The following NAALADL2 variants were observed in gnomAD, a reference collection of about 807,000 sequenced individuals.
The protein encoded by NAALADL2 is N-acetylated alpha-linked acidic dipeptidase like 2, also known as inactive N-acetylated-alpha-linked acidic dipeptidase-like protein 2.
NAALADL2 carries 76 observed loss-of-function variants against 87.2 expected under a neutral mutation model. The observed-to-expected ratio is 0.87, with a 90% CI of 0.72 to 1.05. NAALADL2 has a LOEUF of 1.05. NAALADL2 is among the 50% of genes least tolerant of loss of function. NAALADL2 has a pLI of 0.00. For missense variants in NAALADL2, 1,089 were observed against 945.8 expected, an observed-to-expected ratio of 1.15 and a Z score of -1.99; for synonymous variants, 354 against 331.0, an observed-to-expected ratio of 1.07 and a Z score of -0.75.
chr3:175,364,176 G>T (rs766340221), intron 5 of NAALADL2, among the ~76,000 whole-genome samples: 8 of 147,796 alleles, frequency 5.4e-5, no homozygotes, highest in Non-Finnish European at 1.2e-4. Context: ...TTGTGTGCTT[G>T]CGTGCCCACC....
intron 2 of NAALADL2, among the ~76,000 whole-genome samples, chr3:174,642,531 G>C (rs1723319052): frequency 6.9e-6 from 1 of 145,278 alleles, no homozygotes; most frequent in African/African-American, 2.5e-5. Flanking sequence ...AAAAAAGCAT[G>C]TTGCCACACA....
At chr3:175,343,470 T>G (rs569234360) in intron 5 of NAALADL2, among the ~76,000 whole-genome samples, 1 of 152,094 alleles carries the variant, frequency 6.6e-6, no homozygotes, top group South Asian at 2.1e-4. Context: ...GTGTTGATGT[T>G]CACCTTGACA....
chr3:175,101,738 A>G (rs1268329837), intron 2 of NAALADL2, among the ~76,000 whole-genome samples: 1 of 152,196 alleles, frequency 6.6e-6, no homozygotes, highest in Non-Finnish European at 1.5e-5. Context: ...TAAATTAATG[A>G]GGTTTAGTTT....
At chr3:175,649,638 T>A (rs1582769435) in intron 11 of NAALADL2, among the ~76,000 whole-genome samples, 1 of 152,118 alleles carries the variant, frequency 6.6e-6, no homozygotes, top group African/African-American at 2.4e-5. Flanking sequence ...TGCACATGGA[T>A]AGAGACAGAG....
intron 3 of NAALADL2, among the ~76,000 whole-genome samples, chr3:174,797,305 C>CTTTTTCTTTTTTTTTTTTT (rs1718237636): frequency 2.8e-5 from 2 of 72,720 alleles, no homozygotes; most frequent in Admixed American, 1.6e-4. Context: ...TTTCTTTTTT[C>CTTTTTCTTTTTTTTTTTTT]TTTTTTTTTT....
intron 1 of NAALADL2, among the ~76,000 whole-genome samples, chr3:174,970,001 T>A (rs1248688750): frequency 2.0e-5 from 3 of 152,218 alleles, no homozygotes; most frequent in African/African-American, 7.2e-5. Flanking sequence ...AAAATCAACT[T>A]GAGTTCTTTT....
chr3:174,696,729 A>T (rs1729056281), intron 2 of NAALADL2, among the ~76,000 whole-genome samples: 2 of 151,972 alleles, frequency 1.3e-5, no homozygotes, highest in African/African-American at 4.8e-5. Context: ...CTGAAAAATA[A>T]TTGTGTATTT....
chr3:175,156,765 A>C (rs13323546), intron 2 of NAALADL2, among the ~76,000 whole-genome samples: 26,797 of 152,040 alleles, frequency 0.18, 2,977 homozygotes, highest in African/African-American at 0.31. Context: ...GGTATCACAT[A>C]CATAGGTTTA....
intron 2 of NAALADL2, among the ~76,000 whole-genome samples, chr3:174,585,272 A>G (rs1716579059): frequency 6.6e-6 from 1 of 152,170 alleles, no homozygotes; most frequent in African/African-American, 2.4e-5. Context: ...ATTGGGCTGT[A>G]TTGTAGGAGT....
intron 2 of NAALADL2, among the ~76,000 whole-genome samples, chr3:174,603,306 A>T (rs1452790340): frequency 6.6e-6 from 1 of 151,910 alleles, no homozygotes; most frequent in Admixed American, 6.6e-5. Flanking sequence ...GGACTGTTTC[A>T]GGTTTTGGAT....
At chr3:175,429,486 A>G (rs1717390427) in intron 5 of NAALADL2, among the ~76,000 whole-genome samples, 1 of 151,928 alleles carries the variant, frequency 6.6e-6, no homozygotes, top group Admixed American at 6.6e-5. Context: ...TTTCTGGAGG[A>G]TAGGAATATG....
At chr3:174,458,274 CTG>C (rs1190435690) in intron 1 of NAALADL2, among the ~76,000 whole-genome samples, 1 of 152,132 alleles carries the variant, frequency 6.6e-6, no homozygotes, top group Non-Finnish European at 1.5e-5. Context: ...TTAGTCAAGT[CTG>C]TGTTTAAATG....
intron 10 of NAALADL2, among the ~76,000 whole-genome samples, chr3:175,604,196 G>A (rs1159230707): frequency 1.3e-5 from 2 of 151,744 alleles, no homozygotes; most frequent in Non-Finnish European, 2.9e-5. Context: ...CCATAGCATT[G>A]CCAAAACTTG....
chr3:175,775,901 G>T (rs1464752730), intron 13 of NAALADL2, among the ~76,000 whole-genome samples: 1 of 152,134 alleles, frequency 6.6e-6, no homozygotes, highest in African/African-American at 2.4e-5. Context: ...TCTATTAATA[G>T]AATTGAGTCA....
intron 2 of NAALADL2, among the ~76,000 whole-genome samples, chr3:174,567,440 C>A (rs1337370703): frequency 6.6e-6 from 1 of 151,314 alleles, no homozygotes; most frequent in East Asian, 1.9e-4. Flanking sequence ...ACATTAGGCA[C>A]TGAACTTCTA....
intron 1 of NAALADL2, among the ~76,000 whole-genome samples, chr3:174,939,647 A>G (rs557767091): frequency 1.3e-5 from 2 of 151,858 alleles, no homozygotes; most frequent in South Asian, 2.1e-4. Context: ...TGAGCATGGG[A>G]TTTATTTTTA....
At chr3:175,738,576 C>G (rs925629605) in intron 12 of NAALADL2, among the ~76,000 whole-genome samples, 5 of 151,954 alleles carry the variant, frequency 3.3e-5, no homozygotes, top group African/African-American at 1.2e-4. Flanking sequence ...TGGATTGTTT[C>G]TTACTCCCTG....
chr3:175,590,545 T>A (rs1275969786), intron 10 of NAALADL2, among the ~76,000 whole-genome samples: 2 of 152,138 alleles, frequency 1.3e-5, no homozygotes, highest in African/African-American at 4.8e-5. Context: ...TAAAGGAATC[T>A]ATGTTCAAAT....
At chr3:174,688,810 A>G (rs1728284967) in intron 2 of NAALADL2, among the ~76,000 whole-genome samples, 1 of 152,148 alleles carries the variant, frequency 6.6e-6, no homozygotes, top group Non-Finnish European at 1.5e-5. Flanking sequence ...TGATAAGGAA[A>G]GACTTGCCTT....
Sources: gnomAD v4.1 joint callset for allele counts (sites outside exome capture counted in the v4.1 genomes callset) on GRCh38, gnomAD v4.1.1 for gene constraint, MANE v1.5 for transcripts, NCBI Gene and HGNC (gene_info 2026-07-23, HGNC 2026-07-21) for gene names.